FAM78B: variants seen among roughly 807,000 people sequenced by gnomAD.
FAM78B encodes protein FAM78B.
Under a neutral mutation model 20.0 loss-of-function variants are expected in FAM78B, and 10 were observed. That is an observed-to-expected ratio of 0.50 (90% confidence interval 0.31 to 0.85). The LOEUF is 0.85. Ranked by LOEUF, FAM78B falls within the 40% of genes least tolerant of loss-of-function variation. The pLI, the probability that FAM78B is intolerant of heterozygous loss-of-function variation, is 0.05. For synonymous variants in FAM78B, 135 were observed against 132.8 expected (o/e 1.02, Z -0.12); for missense variants, 283 against 345.0 (o/e 0.82, Z 1.42).
At chr1:166,072,457 A>G (rs577901406) in intron 1 of FAM78B, among the ~76,000 whole-genome samples, 1 of 152,314 alleles carries the variant, frequency 6.6e-6, no homozygotes, top group South Asian at 2.1e-4. Context: ...TCATTTTGCT[A>G]CATATGCTTT....
intron 1 of FAM78B, among the ~76,000 whole-genome samples, chr1:166,144,154 C>G (rs2101791841): frequency 6.6e-6 from 1 of 152,260 alleles, no homozygotes; most frequent in Non-Finnish European, 1.5e-5. Flanking sequence ...TTGGTGGGTG[C>G]CCACTTCAAT....
At chr1:166,160,201 G>A (rs1656089507) in intron 1 of FAM78B, among the ~76,000 whole-genome samples, 1 of 152,162 alleles carries the variant, frequency 6.6e-6, no homozygotes, top group Non-Finnish European at 1.5e-5. Context: ...ACCAATGAAG[G>A]TCACACTTAA....
At chr1:166,087,054 T>C (rs963198223) in intron 1 of FAM78B, 29 of 152,134 alleles carry the variant, frequency 1.9e-4, no homozygotes, top group African/African-American at 6.7e-4. Flanking sequence ...CGGGCGGCTA[T>C]TATGATTACC....
In FAM78B at chr1:166,070,249, G is replaced by A; in HGVS notation, c.778C>T (p.Pro260Ser). The change falls in exon 2 of 2, where the codon CCT becomes TCT. Residue 260 changes from proline (P) to serine (S), a missense_variant. By Grantham distance (74) the Pro-to-Ser change is moderately conservative. Transcript: ENST00000354422. ...GTCAGGCCAGTCTGCTTCTACTTAG[G>A]AGGGATCACAACCAGAGGTGGCCCC... Reference protein sequence around the residue: ...KRGPPLVVIPPK With the variant: ...KRGPPLVVIPSK The A allele has an allele frequency of 6.5e-7, 1 of 1,542,366 alleles. No individual in the cohort carries two copies. The highest frequency in any genetic ancestry group is 8.7e-7 in the Non-Finnish European group (1 of 1,143,540).
intron 1 of FAM78B, 98 bp from the exon 2 acceptor site, chr1:166,070,861 G>A: frequency 1.1e-5 from 15 of 1,338,956 alleles, no homozygotes; most frequent in Non-Finnish European, 1.5e-5. Context: ...GTCAACTTGG[G>A]CAAAATGGGA....
chr1:166,094,139 A>G lies in FAM78B; in HGVS notation c.264-23376T>C, dbSNP rs192897466. Among the ~76,000 whole-genome samples the G allele has an allele frequency of 7.2e-5, 11 of 152,042 alleles. No individual in the cohort carries two copies. The East Asian group carries it at 1.6e-3, about 21-fold the overall frequency. ...GCAGGGCTGATCCCAAACAGGAAGCACCGAATGCAACCCCGGAGCAGAAGC... is the reference window on the plus strand; with the variant it reads ...GCAGGGCTGATCCCAAACAGGAAGCGCCGAATGCAACCCCGGAGCAGAAGC... On this transcript the variant is annotated intron_variant, in intron 1 of 1. Coordinates refer to ENST00000354422, the MANE Select transcript of FAM78B (RefSeq NM_001017961.5).
intron 1 of FAM78B, among the ~76,000 whole-genome samples, chr1:166,124,383 C>T (rs1055818757): frequency 2.6e-5 from 4 of 152,182 alleles, no homozygotes; most frequent in African/African-American, 9.7e-5. Context: ...ACAACAAAAA[C>T]AAACACACGT....
At chr1:166,126,498 T>A (rs1270327321) in intron 1 of FAM78B, among the ~76,000 whole-genome samples, 1 of 152,084 alleles carries the variant, frequency 6.6e-6, no homozygotes, top group Non-Finnish European at 1.5e-5. Flanking sequence ...TAGGCCTCAC[T>A]GAGAAGACGA....
At chr1:166,154,308 G>A (rs1655809773) in intron 1 of FAM78B, among the ~76,000 whole-genome samples, 1 of 152,212 alleles carries the variant, frequency 6.6e-6, no homozygotes. Context: ...TGGAAGAAAG[G>A]GATTCTGGGT....
chr1:166,075,570 C>T (rs756436943), intron 1 of FAM78B, among the ~76,000 whole-genome samples: 1 of 152,126 alleles, frequency 6.6e-6, no homozygotes, highest in Non-Finnish European at 1.5e-5. Flanking sequence ...ATGATGAGGA[C>T]GGGGTTGTGT....
chr1:166,082,025 A>G (rs1652603010), intron 1 of FAM78B, among the ~76,000 whole-genome samples: 1 of 152,154 alleles, frequency 6.6e-6, no homozygotes, highest in African/African-American at 2.4e-5. Flanking sequence ...ATCCGGGACC[A>G]TGCAGGTCCT....
At position 166,166,379 on chromosome 1, in the gene FAM78B, G is replaced by T; in HGVS notation, c.-131C>A. 1 of 832,890 alleles carries T rather than the reference G, an allele frequency of 1.2e-6. No homozygotes were observed. Among genetic ancestry groups the T allele is most frequent in the Non-Finnish European group, 1.5e-6 (1 of 681,350 alleles). The allele number at this position is 832,890 out of a possible 1,614,324, so 51.6% of individuals were successfully genotyped here. The stretch of plus-strand genomic sequence containing the variant: ...GGTCAGACTCAGCTCGCACCTAGGA[G>T]CGGGGAGCCGCCGGGCATCCTTGGG... On this transcript the variant is annotated 5_prime_UTR_variant, in exon 1 of 2. Transcript: ENST00000354422.
intron 1 of FAM78B, among the ~76,000 whole-genome samples, chr1:166,131,767 A>T (rs1215374820): frequency 6.6e-6 from 1 of 152,188 alleles, no homozygotes; most frequent in African/African-American, 2.4e-5. Flanking sequence ...TTTATGAAAA[A>T]AAGTAAGGTT....
chr1:166,107,379 G>A (rs1333764293), intron 1 of FAM78B, among the ~76,000 whole-genome samples: 2 of 152,020 alleles, frequency 1.3e-5, no homozygotes, highest in Non-Finnish European at 2.9e-5. Context: ...ATACCTTTGT[G>A]CACATAAACT....
At chr1:166,089,670 G>A (rs1036529863) in intron 1 of FAM78B, among the ~76,000 whole-genome samples, 2 of 152,092 alleles carry the variant, frequency 1.3e-5, no homozygotes, top group Non-Finnish European at 2.9e-5. Context: ...GGCATCCAGA[G>A]TGCCCTGGGA....
At chr1:166,094,197 A>G (rs964846331) in intron 1 of FAM78B, among the ~76,000 whole-genome samples, 1 of 152,122 alleles carries the variant, frequency 6.6e-6, no homozygotes, top group African/African-American at 2.4e-5. Flanking sequence ...GAACATGCCC[A>G]TGCCTACAGC....
At chr1:166,084,225 ACACACACACACACTCTCTCT>A (rs1250641936) in intron 1 of FAM78B, among the ~76,000 whole-genome samples, 1 of 133,326 alleles carries the variant, frequency 7.5e-6, no homozygotes, top group African/African-American at 2.9e-5. Context: ...ACACACACAC[ACACACACACACACTCTCTCT>A]CTCTCTCTCT....
chr1:166,083,412 C>A lies in FAM78B; in HGVS notation c.264-12649G>T, dbSNP rs200944433. ...GACCTGCATGCAAATCTGGATGTTA[C>A]CACCTGCTACCACGTGGCCTTGGAC... On this transcript the variant is annotated intron_variant, in intron 1 of 1. Transcript: ENST00000354422. 8.6e-5 allele frequency among the ~76,000 whole-genome samples: 13 copies of A among 151,898 alleles called. No homozygotes were observed. In the East Asian group the frequency reaches 2.5e-3, roughly 30 times the overall value.
In FAM78B at chr1:166,166,269, C is replaced by G. The variant is rs755976107; in HGVS notation, c.-21G>C. The G allele has an allele frequency of 5.4e-5, 74 of 1,360,772 alleles. No homozygotes were observed. The highest frequency in any genetic ancestry group is 6.7e-5 in the Non-Finnish European group (70 of 1,051,754). 84.3% of individuals were successfully genotyped at this position (1,360,772 alleles called of 1,614,324 possible). On this transcript the variant is annotated 5_prime_UTR_variant, in exon 1 of 2. Transcript: ENST00000354422. ...CCCATCCTGCAGCCCGGTGCCGGCA[C>G]GGCGCGGCGTGGGGCAGCGCGGGGG... is the stretch of plus-strand genomic sequence containing the variant.
Sources: gnomAD v4.1 joint callset for allele counts (sites outside exome capture counted in the v4.1 genomes callset) on GRCh38, gnomAD v4.1.1 for gene constraint, MANE v1.5 for transcripts, NCBI Gene and HGNC (gene_info 2026-07-23, HGNC 2026-07-21) for gene names.